Variants in GLB1 observed in about 807,000 individuals in gnomAD.
GLB1 encodes galactosidase beta 1.
A neutral mutation model predicts 74.0 loss-of-function variants in GLB1; 56 were observed. The ratio of observed to expected loss-of-function variants is 0.76; its 90% CI spans 0.61 to 0.94. GLB1 has a LOEUF of 0.94. Ranked by LOEUF, GLB1 falls within the 40% of genes least tolerant of loss-of-function variation. The pLI is 0.00. For synonymous variants in GLB1, 323 were observed against 323.6 expected (o/e 1.00, Z 0.02); for missense variants, 787 against 845.5 (o/e 0.93, Z 0.86).
chr3:33,019,211 TAA>T (rs1441985106), intron 12 of GLB1, among the ~76,000 whole-genome samples: 1 of 152,146 alleles, frequency 6.6e-6, no homozygotes, highest in Non-Finnish European at 1.5e-5. Flanking sequence ...AAGAAACAGT[TAA>T]GAGACTAGAT....
Position 33,029,288 on chromosome 3 carries a change from G to A in GLB1, c.1069-4963C>T, listed in dbSNP as rs75697779. 7.0e-4 allele frequency among the ~76,000 whole-genome samples: 107 copies of A among 151,946 alleles called. 1 individual carries two copies. In the East Asian group the frequency reaches 0.02, roughly 28 times the overall value. ...GAAATGTTGCTTCTCATACTTAACC[G>A]GACACATTCAACACGGGAAGCTGCT... is the stretch of plus-strand genomic sequence containing the variant. On this transcript the variant is annotated intron_variant, in intron 10 of 15. Transcript: ENST00000307363.
intron 10 of GLB1, among the ~76,000 whole-genome samples, chr3:33,041,696 C>T (rs1017291453): frequency 6.7e-5 from 10 of 149,510 alleles, no homozygotes; most frequent in African/African-American, 2.5e-4. Context: ...AAAAGAAAAA[C>T]TGCATTTTGA....
At chr3:33,045,023 A>G (rs1698684205) in intron 10 of GLB1, among the ~76,000 whole-genome samples, 1 of 123,058 alleles carries the variant, frequency 8.1e-6, no homozygotes, top group Non-Finnish European at 1.7e-5. Flanking sequence ...CAGTATCTGA[A>G]GATTTTTTTT....
intron 10 of GLB1, among the ~76,000 whole-genome samples, chr3:33,031,416 G>A (rs1698000125): frequency 6.6e-6 from 1 of 151,454 alleles, no homozygotes; most frequent in African/African-American, 2.4e-5. Flanking sequence ...GGCCAAGGCG[G>A]GTGGATCACT....
chr3:33,003,814 G>C lies in GLB1; in HGVS notation c.1735-6470C>G, dbSNP rs1363534381. ...GGAGGCCAAGGTGGGTGGATCACCT[G>C]AGGTCAGGAGTTCCAGACCAGCCTG... On this transcript the variant is annotated intron_variant, in intron 15 of 15. Transcript: ENST00000307363. 2.0e-5 allele frequency among the ~76,000 whole-genome samples: 3 copies of C among 152,172 alleles called. No homozygotes were observed. In the East Asian group the frequency reaches 5.8e-4, roughly 29 times the overall value.
At chr3:32,972,317 G>C in the GLB1 span, among the ~76,000 whole-genome samples, 3 of 152,174 alleles carry the variant, frequency 2.0e-5, no homozygotes, top group Non-Finnish European at 4.4e-5. Flanking sequence ...GCCTCGGAAG[G>C]AGGAGTATGT....
chr3:33,016,669 A>AC, intron 14 of GLB1, 40 bp downstream of exon 14: 2 of 1,611,668 alleles, frequency 1.2e-6, no homozygotes, highest in Non-Finnish European at 1.7e-6. Context: ...CTAAGTTGTC[A>AC]CCCCTTAAAC....
At chr3:32,977,507 CA>C in the GLB1 span, among the ~76,000 whole-genome samples, 1 of 152,070 alleles carries the variant, frequency 6.6e-6, no homozygotes, top group African/African-American at 2.4e-5. Flanking sequence ...TGTGCCTGGC[CA>C]AATCTTATCT....
chr3:33,043,596 A>T (rs1422931835), intron 10 of GLB1, among the ~76,000 whole-genome samples: 1 of 152,194 alleles, frequency 6.6e-6, no homozygotes, highest in Admixed American at 6.5e-5. Context: ...AAAATAAGAT[A>T]ATTGAAATTC....
At chr3:33,040,614 A>T (rs963764376) in intron 10 of GLB1, among the ~76,000 whole-genome samples, 7 of 152,096 alleles carry the variant, frequency 4.6e-5, no homozygotes, top group African/African-American at 1.2e-4. Context: ...GTCTCTAAGA[A>T]CAATGACAAC....
rs147437116 is a variant in GLB1, at chr3:32,996,669, G to A, written c.*376C>T. The A allele has an allele frequency of 3.3e-6, 1 of 304,850 alleles. No individual in the cohort carries two copies. Among genetic ancestry groups the A allele is most frequent in the African/African-American group, 2.2e-5 (1 of 46,182 alleles). 18.9% of individuals were successfully genotyped at this position (304,850 alleles called of 1,614,324 possible). A position where few individuals can be genotyped will look rare whatever the true frequency, so the allele number is the denominator to read the frequency against. On this transcript the variant is annotated 3_prime_UTR_variant, in exon 16 of 16. Coordinates refer to ENST00000307363, the MANE Select transcript of GLB1 (RefSeq NM_000404.4). ...GGTTTATTCAGCCCACTCAAGTCTA[G>A]TTATGATTTAAGTCAGACCATATAA...
chr3:33,079,305 T>G (rs969736529), intron 1 of GLB1, among the ~76,000 whole-genome samples: 2 of 152,184 alleles, frequency 1.3e-5, no homozygotes, highest in Non-Finnish European at 2.9e-5. Flanking sequence ...ACTCATCAAA[T>G]GGTACGTTTA....
intron 4 of GLB1, among the ~76,000 whole-genome samples, chr3:33,065,781 A>C (rs907855236): frequency 1.3e-5 from 2 of 152,168 alleles, no homozygotes; most frequent in Non-Finnish European, 2.9e-5. Context: ...CAGCCTGACC[A>C]ACATGGAGAA....
At chr3:33,091,927 C>T in intron 1 of GLB1, 1 of 985,466 alleles carries the variant, frequency 1.0e-6, no homozygotes, top group Non-Finnish European at 1.2e-6. Flanking sequence ...ACCGCTTTTA[C>T]TGGGAGGTAC....
At chr3:32,988,237 C>A in the GLB1 span, among the ~76,000 whole-genome samples, 1 of 143,026 alleles carries the variant, frequency 7.0e-6, no homozygotes, top group Admixed American at 7.0e-5. Flanking sequence ...GGTGCAAAGA[C>A]CAAGGACTTA....
In GLB1 at chr3:33,093,537, G is replaced by A. The variant is rs1175822996; in HGVS notation, c.75+3474C>T. On this transcript the variant is annotated intron_variant, in intron 1 of 15. Coordinates refer to ENST00000307363, the MANE Select transcript of GLB1 (RefSeq NM_000404.4). The surrounding 1 kb of genome is among the most constrained non-coding windows in gnomAD (Gnocchi z 6.0). The stretch of plus-strand genomic sequence containing the variant: ...CATTTCCATCTTGGTCCTGCCCACT[G>A]TGGGGCCCAAGTGAATGTCTGAGAG... The A allele has an allele frequency of 6.2e-7, 1 of 1,614,242 alleles. No individual in the cohort carries two copies. Among genetic ancestry groups the A allele is most frequent in the Admixed American group, 1.7e-5 (1 of 60,028 alleles).
chr3:33,063,991 C>T (rs953203008), intron 5 of GLB1, among the ~76,000 whole-genome samples: 2 of 152,074 alleles, frequency 1.3e-5, no homozygotes, highest in African/African-American at 4.8e-5. Flanking sequence ...TGCCCATGCT[C>T]CCACCCTACT....
At chr3:33,034,203 A>G (rs9861960) in intron 10 of GLB1, 354,827 of 631,966 alleles carry the variant, frequency 0.56, 108,941 homozygotes, top group Middle Eastern at 0.69. Context: ...TAGGTCCCCC[A>G]TGACTACGGC....
At chr3:33,020,937 T>C (rs1375028782) in intron 12 of GLB1, among the ~76,000 whole-genome samples, 1 of 152,134 alleles carries the variant, frequency 6.6e-6, no homozygotes, top group African/African-American at 2.4e-5. Flanking sequence ...TGTTAACAAT[T>C]GGTGAATCTA....
Sources: gnomAD v4.1 joint callset for allele counts (sites outside exome capture counted in the v4.1 genomes callset) on GRCh38, gnomAD v4.1.1 for gene constraint, Gnocchi (gnomAD v3.1) non-coding constraint, MANE v1.5 for transcripts, NCBI Gene and HGNC (gene_info 2026-07-23, HGNC 2026-07-21) for gene names.